The following LMNTD1 variants were observed in gnomAD, a reference collection of about 807,000 sequenced individuals.
LMNTD1 encodes lamin tail domain-containing protein 1.
LMNTD1 carries 35 observed loss-of-function variants against 50.9 expected under a neutral mutation model. The observed-to-expected ratio is 0.69, with a 90% CI of 0.53 to 0.91. The LOEUF is 0.91. LMNTD1 is among the 40% of genes least tolerant of loss of function. The pLI, the probability that LMNTD1 is intolerant of heterozygous loss-of-function variation, is 0.00. For missense variants in LMNTD1, 470 were observed against 475.5 expected, an observed-to-expected ratio of 0.99 and a Z score of 0.11; for synonymous variants, 153 against 161.9, an observed-to-expected ratio of 0.94 and a Z score of 0.42.
chr12:25,577,342 G>A (rs181097719), intron 1 of LMNTD1, among the ~76,000 whole-genome samples: 1 of 152,144 alleles, frequency 6.6e-6, no homozygotes, highest in Non-Finnish European at 1.5e-5. Context: ...TCTTCCATTT[G>A]TTTGTGTCCT....
intron 1 of LMNTD1, among the ~76,000 whole-genome samples, chr12:25,621,082 T>C (rs556427760): frequency 1.3e-5 from 2 of 152,360 alleles, no homozygotes; most frequent in African/African-American, 4.8e-5. Flanking sequence ...TCATTAGCTG[T>C]TGACCTTCAC....
intron 9 of LMNTD1, among the ~76,000 whole-genome samples, chr12:25,478,730 G>A (rs1354501245): frequency 6.6e-6 from 1 of 152,184 alleles, no homozygotes; most frequent in Non-Finnish European, 1.5e-5. Context: ...AGGTTGCAGT[G>A]AGCCGAGACT....
intron 1 of LMNTD1, among the ~76,000 whole-genome samples, chr12:25,565,800 G>A (rs1338289674): frequency 3.9e-5 from 6 of 152,218 alleles, no homozygotes; most frequent in Middle Eastern, 3.4e-3. Context: ...CTCAGCTTCC[G>A]ATTGTCTGAA....
intron 1 of LMNTD1, among the ~76,000 whole-genome samples, chr12:25,576,025 CT>C (rs1052172381): frequency 1.2e-4 from 18 of 152,104 alleles, no homozygotes; most frequent in Admixed American, 1.1e-3. Context: ...GGAACTCATC[CT>C]TTTTTATGGC....
At chr12:25,561,354 C>A (rs1096015) in intron 1 of LMNTD1, among the ~76,000 whole-genome samples, 145,021 of 152,254 alleles carry the variant, frequency 0.95, 69,489 homozygotes, top group East Asian at 1. Flanking sequence ...CTTTGTTCTC[C>A]TTGGTTTCAA....
rs536172443 is a variant in LMNTD1 at position 25,610,052 on chromosome 12, C to T, written c.58+38442G>A. Among the ~76,000 whole-genome samples, 8 of 152,302 alleles carry T rather than the reference C, an allele frequency of 5.3e-5. No homozygotes were observed. In the East Asian group the frequency reaches 5.8e-4, roughly 11 times the overall value. Reference sequence around the variant, plus strand: ...TTACCTACTCAAGCCTCAGCAATGGCGGACGCCCCTTCCCCAGCCAGGCTT... The same window carrying T: ...TTACCTACTCAAGCCTCAGCAATGGTGGACGCCCCTTCCCCAGCCAGGCTT... On this transcript the variant is annotated intron_variant, in intron 1 of 7. Transcript: ENST00000445693.
chr12:25,484,986 G>C (rs1479921068), intron 9 of LMNTD1, among the ~76,000 whole-genome samples: 3 of 152,016 alleles, frequency 2.0e-5, no homozygotes, highest in Non-Finnish European at 4.4e-5. Flanking sequence ...TGTCTTTATA[G>C]CTGCATGATT....
At chr12:25,583,525 GCTC>G (rs1220230378) in intron 1 of LMNTD1, among the ~76,000 whole-genome samples, 1 of 152,264 alleles carries the variant, frequency 6.6e-6, no homozygotes, top group African/African-American at 2.4e-5. Flanking sequence ...TAATCCCCTT[GCTC>G]CTATTTGAGA....
At chr12:25,478,559 C>T (rs1272722881) in intron 9 of LMNTD1, among the ~76,000 whole-genome samples, 19 of 152,042 alleles carry the variant, frequency 1.2e-4, no homozygotes, top group Admixed American at 2.0e-4. Context: ...CCGAGGTGGG[C>T]GAATCACCTG....
chr12:25,509,356 C>T (rs1310747120), intron 8 of LMNTD1, among the ~76,000 whole-genome samples: 1 of 152,214 alleles, frequency 6.6e-6, no homozygotes, highest in African/African-American at 2.4e-5. Context: ...GATCTGCCTG[C>T]CTCGGCCTCC....
chr12:25,483,408 G>A (rs1270412769), intron 9 of LMNTD1, among the ~76,000 whole-genome samples: 1 of 151,052 alleles, frequency 6.6e-6, no homozygotes, highest in Non-Finnish European at 1.5e-5. Flanking sequence ...GGTGACAAAG[G>A]GAGATCCTGT....
chr12:25,575,668 C>G (rs1259329956), intron 1 of LMNTD1, among the ~76,000 whole-genome samples: 2 of 142,650 alleles, frequency 1.4e-5, no homozygotes, highest in African/African-American at 5.2e-5. Flanking sequence ...ACAAGGGAGG[C>G]AAGAACCCTA....
intron 9 of LMNTD1, among the ~76,000 whole-genome samples, chr12:25,477,077 T>C (rs1591811950): frequency 6.6e-6 from 1 of 152,158 alleles, no homozygotes; most frequent in Non-Finnish European, 1.5e-5. Context: ...ACGGAATCCA[T>C]TAACCTCCTG....
At chr12:25,578,963 T>C (rs1194124085) in intron 1 of LMNTD1, among the ~76,000 whole-genome samples, 1 of 152,238 alleles carries the variant, frequency 6.6e-6, no homozygotes, top group East Asian at 1.9e-4. Context: ...TAGGCAGATC[T>C]GTTCAGCATC....
At chr12:25,555,423 TAATCAACTAAGA>T (rs570112185), upstream of LMNTD1, among the ~76,000 whole-genome samples, 456 of 152,290 alleles carry the variant, frequency 3.0e-3, 5 homozygotes, top group East Asian at 0.025. Context: ...GCACATTAGC[TAATCAACTAAGA>T]AATTTAAAAG....
rs528137520 is a variant in LMNTD1, at chr12:25,486,624, T to A, written c.*23-10164A>T. Among the ~76,000 whole-genome samples the A allele has an allele frequency of 2.2e-3, 334 of 149,766 alleles. 3 individuals are homozygous for A. The highest frequency in any genetic ancestry group is 1.4e-3 in the Non-Finnish European group (93 of 67,612). ...GCTTCCAGTTTTTGCCCATTCAGTA[T>A]GATATTGGCTGTGGGTTTGTCATAG... On this transcript the variant is annotated intron_variant, in intron 9 of 9. Transcript: ENST00000458174.
At chr12:25,506,956 T>G (rs557460378) in intron 8 of LMNTD1, among the ~76,000 whole-genome samples, 1 of 152,260 alleles carries the variant, frequency 6.6e-6, no homozygotes, top group African/African-American at 2.4e-5. Flanking sequence ...CTTGGCTCAC[T>G]GCAACCTCCA....
At chr12:25,535,056 A>T (rs1009636763) in intron 4 of LMNTD1, among the ~76,000 whole-genome samples, 5 of 152,200 alleles carry the variant, frequency 3.3e-5, no homozygotes, top group Non-Finnish European at 5.9e-5. Flanking sequence ...ACAAGGAGAA[A>T]AATCAATAAA....
intron 9 of LMNTD1, among the ~76,000 whole-genome samples, chr12:25,487,009 T>C (rs1938668058): frequency 6.6e-6 from 1 of 151,512 alleles, no homozygotes; most frequent in African/African-American, 2.4e-5. Flanking sequence ...CAGTTTGTTA[T>C]AATTTCTGTT....
Sources: allele counts gnomAD v4.1 joint callset (sites outside exome capture counted in the v4.1 genomes callset), GRCh38; gene constraint gnomAD v4.1.1; transcripts MANE v1.5; gene names NCBI Gene and HGNC (gene_info 2026-07-23, HGNC 2026-07-21).